The following PAQR9 variants were observed in gnomAD, a reference collection of about 807,000 sequenced individuals.
PAQR9 encodes the protein progestin and adipoQ receptor family member 9, also known as membrane progestin receptor epsilon.
In PAQR9, 12 loss-of-function variants were observed where a neutral mutation model predicts 24.0. That is an observed-to-expected ratio of 0.50 (90% CI 0.32 to 0.81). PAQR9 has a LOEUF of 0.81. Ranked by LOEUF, PAQR9 falls within the 30% of genes least tolerant of loss-of-function variation. PAQR9 has a pLI of 0.03. For missense variants in PAQR9, 418 were observed against 520.8 expected (o/e 0.80, Z 1.92); for synonymous variants, 266 against 237.6 (o/e 1.12, Z -1.10).
rs1934876834 is a variant in PAQR9 at position 142,960,773 on chromosome 3, CATGAATGTTTCAAGGATTT to C, written c.*1411_*1429del. Reference sequence around the variant, plus strand: ...TTAGAAAGGATCTCAGGGACATGCTCATGAATGTTTCAAGGATTTAGGGTGACTGCCCATCATTTCCATA... The same window carrying C: ...TTAGAAAGGATCTCAGGGACATGCTCAGGGTGACTGCCCATCATTTCCATA... On this transcript the variant is annotated 3_prime_UTR_variant, in exon 1 of 1. Transcript: ENST00000340634. 1 of 152,148 alleles carries C rather than the reference CATGAATGTTTCAAGGATTT, an allele frequency of 6.6e-6. No homozygotes were observed. The highest frequency in any genetic ancestry group is 2.4e-5 in the African/African-American group (1 of 41,430). The allele number at this position is 152,148 out of a possible 1,614,324, so 9.4% of individuals were successfully genotyped here. A position where few individuals can be genotyped will look rare whatever the true frequency, so the allele number is the denominator to read the frequency against.
Position 142,963,394 on chromosome 3 carries a change from G to A in PAQR9, c.-58C>T, listed in dbSNP as rs1240168250. On this transcript the variant is annotated 5_prime_UTR_variant, in exon 1 of 1. Coordinates refer to ENST00000340634, the MANE Select transcript of PAQR9 (RefSeq NM_198504.4). ...CGACCTCTGGCGCCGGCTCCCGGGC[G>A]CTGGGCAGCCCCCGCCGGCCGCCGT... 5.4e-6 allele frequency: 6 copies of A among 1,114,430 alleles called. No individual in the cohort carries two copies. The Admixed American group carries it at 3.0e-4, about 56-fold the overall frequency. 69.0% of individuals were successfully genotyped at this position (1,114,430 alleles called of 1,614,324 possible).
chr3:142,954,010 G>A (rs1168975035), downstream of PAQR9, among the ~76,000 whole-genome samples: 1 of 152,168 alleles, frequency 6.6e-6, no homozygotes, highest in Non-Finnish European at 1.5e-5. Context: ...CCTGAGGCCT[G>A]GGTGGTCAGC....
In PAQR9 at chr3:142,961,957, AT is replaced by A. The variant is rs962341210; in HGVS notation, c.*245del. On this transcript the variant is annotated 3_prime_UTR_variant, in exon 1 of 1. Coordinates refer to ENST00000340634, the MANE Select transcript of PAQR9 (RefSeq NM_198504.4). ...CCTGGATGTCAAAGACATCACCTGA[AT>A]TTTTTCCAGGGGCAAGAACAAGTGA... The A allele has an allele frequency of 2.8e-5, 14 of 493,712 alleles. No homozygotes were observed. The highest frequency in any genetic ancestry group is 2.2e-4 in the African/African-American group (11 of 51,092). 30.6% of individuals were successfully genotyped at this position (493,712 alleles called of 1,614,324 possible). A position where few individuals can be genotyped will look rare whatever the true frequency, so the allele number is the denominator to read the frequency against.
In PAQR9 at chr3:142,954,715, C is replaced by T. The variant is rs1578078478; in HGVS notation, c.*7488G>A. On this transcript the variant is annotated 3_prime_UTR_variant, in exon 1 of 1. Transcript: ENST00000340634. Reference sequence around the variant, plus strand: ...ATGTCTCAGGAAACCAAAATCATAGCAAATCATACAACAGAAATGTGTCAC... The same window carrying T: ...ATGTCTCAGGAAACCAAAATCATAGTAAATCATACAACAGAAATGTGTCAC... 1.3e-5 allele frequency among the ~76,000 whole-genome samples: 2 copies of T among 152,236 alleles called. No homozygotes were observed. The highest frequency in any genetic ancestry group is 1.3e-4 in the Admixed American group (2 of 15,302).
chr3:142,952,489 T>C (rs1314579212), downstream of PAQR9, among the ~76,000 whole-genome samples: 1 of 152,164 alleles, frequency 6.6e-6, no homozygotes, highest in Non-Finnish European at 1.5e-5. Flanking sequence ...GCTGAGAAGT[T>C]AGCAAATTTT....
At position 142,958,389 on chromosome 3, in the gene PAQR9, G is replaced by A. The variant is rs192980163; in HGVS notation, c.*3814C>T. Among the ~76,000 whole-genome samples, 22 of 152,280 alleles carry A rather than the reference G, an allele frequency of 1.4e-4. No individual in the cohort carries two copies. The highest frequency in any genetic ancestry group is 2.6e-4 in the African/African-American group (11 of 41,546). On this transcript the variant is annotated 3_prime_UTR_variant, in exon 1 of 1. Coordinates refer to ENST00000340634, the MANE Select transcript of PAQR9 (RefSeq NM_198504.4). ...CACAGTTGAGCAGACAATGGTCTCCGCATTCTAATGCCAGTTTGAAAACTT... is the reference window on the plus strand; with the variant it reads ...CACAGTTGAGCAGACAATGGTCTCCACATTCTAATGCCAGTTTGAAAACTT...
upstream of PAQR9, chr3:142,963,988 G>A (rs1018318190): frequency 4.0e-5 from 26 of 647,102 alleles, no homozygotes; most frequent in Admixed American, 6.3e-5. Context: ...CGACAGCCAC[G>A]CGGGCGTTCT....
chr3:142,963,820 G>A (rs1266250539), upstream of PAQR9: 9 of 985,144 alleles, frequency 9.1e-6, no homozygotes, highest in African/African-American at 1.7e-5. Context: ...CGCTTCGGGG[G>A]ATAGAGTTGT....
chr3:142,963,762 G>C, upstream of PAQR9: 2 of 945,616 alleles, frequency 2.1e-6, no homozygotes, highest in African/African-American at 1.8e-5. Flanking sequence ...AGGGAGGGAC[G>C]GGCGCACCGA....
Position 142,962,596 on chromosome 3 carries a change from G to T in PAQR9, c.741C>A (p.Phe247Leu). The change falls in exon 1 of 1, where the codon TTC becomes TTA. Residue 247 changes from phenylalanine to leucine, a missense_variant. Physicochemically the swap from Phe to Leu is conservative, Grantham distance 22. Coordinates refer to ENST00000340634, the MANE Select transcript of PAQR9 (RefSeq NM_198504.4). ...TYPFALRTFV[F>L]VMPLSMACPI... ...GGCAGGCCATGCTGAGCGGCATGACGAAGACGAAGGTGCGCAGCGCGAACG... is the reference window on the plus strand; with the variant it reads ...GGCAGGCCATGCTGAGCGGCATGACTAAGACGAAGGTGCGCAGCGCGAACG... 1 of 1,613,886 alleles carries T rather than the reference G, an allele frequency of 6.2e-7. No individual in the cohort carries two copies. The highest frequency in any genetic ancestry group is 8.5e-7 in the Non-Finnish European group (1 of 1,179,966).
Position 142,963,621 on chromosome 3 carries a change from T to TGCG in PAQR9, c.-288_-286dup. 1 of 733,376 alleles carries TGCG rather than the reference T, an allele frequency of 1.4e-6. No homozygotes were observed. Among genetic ancestry groups the TGCG allele is most frequent in the Non-Finnish European group, 1.7e-6 (1 of 602,084 alleles). The allele number at this position is 733,376 out of a possible 1,614,324, so 45.4% of individuals were successfully genotyped here. On this transcript the variant is annotated 5_prime_UTR_variant, in exon 1 of 1. Coordinates refer to ENST00000340634, the MANE Select transcript of PAQR9 (RefSeq NM_198504.4). ...GCTACCGGCGCGCGGCCGCCCGCGC[T>TGCG]GCGGCAGCGGCGGCGGCGCGGCTGA...
Position 142,960,740 on chromosome 3 carries a change from T to C in PAQR9, c.*1463A>G, listed in dbSNP as rs1934876210. The C allele has an allele frequency of 1.3e-5, 2 of 152,228 alleles. No individual in the cohort carries two copies. The highest frequency in any genetic ancestry group is 1.3e-4 in the Admixed American group (2 of 15,278). 9.4% of individuals were successfully genotyped at this position (152,228 alleles called of 1,614,324 possible). A position where few individuals can be genotyped will look rare whatever the true frequency, so the allele number is the denominator to read the frequency against. On this transcript the variant is annotated 3_prime_UTR_variant, in exon 1 of 1. Coordinates refer to ENST00000340634, the MANE Select transcript of PAQR9 (RefSeq NM_198504.4). ...GAAATGTCTAAATAACATTGGCTAA[T>C]CTGTTTGTTAGAAAGGATCTCAGGG...
In PAQR9 at chr3:142,955,855, A is replaced by G. The variant is rs1578079029; in HGVS notation, c.*6348T>C. ...TAGCCATGAGACACACCTAAAACCT[A>G]TCTCATGTGTTTTCTTCTTTTTTAA... is the stretch of plus-strand genomic sequence containing the variant. On this transcript the variant is annotated 3_prime_UTR_variant, in exon 1 of 1. Coordinates refer to ENST00000340634, the MANE Select transcript of PAQR9 (RefSeq NM_198504.4). 6.6e-6 allele frequency among the ~76,000 whole-genome samples: 1 copy of G among 152,204 alleles called. No homozygotes were observed. The highest frequency in any genetic ancestry group is 2.4e-5 in the African/African-American group (1 of 41,444).
At chr3:142,963,818 G>A (rs1934971510), upstream of PAQR9, 1 of 985,198 alleles carries the variant, frequency 1.0e-6, no homozygotes, top group Non-Finnish European at 1.2e-6. Flanking sequence ...GCCGCTTCGG[G>A]GGATAGAGTT....
chr3:142,954,204 A>C (rs1934758814), downstream of PAQR9, among the ~76,000 whole-genome samples: 1 of 152,274 alleles, frequency 6.6e-6, no homozygotes, highest in Admixed American at 6.5e-5. Flanking sequence ...GAGATACTGT[A>C]AGTTCACACA....
rs1934796608 is a variant in PAQR9, at chr3:142,956,837, T to C, written c.*5366A>G. Reference sequence around the variant, plus strand: ...AACAACAGAAATTTATATTAGCTTTTGGAAGAGTGACTAAGAAGAACTGAC... The same window carrying C: ...AACAACAGAAATTTATATTAGCTTTCGGAAGAGTGACTAAGAAGAACTGAC... On this transcript the variant is annotated 3_prime_UTR_variant, in exon 1 of 1. Transcript: ENST00000340634. Among the ~76,000 whole-genome samples the C allele has an allele frequency of 1.3e-5, 2 of 152,220 alleles. No individual in the cohort carries two copies. The highest frequency in any genetic ancestry group is 4.1e-4 in the South Asian group (2 of 4,836).
chr3:142,950,902 A>T (rs1253273862), downstream of PAQR9, among the ~76,000 whole-genome samples: 1 of 152,218 alleles, frequency 6.6e-6, no homozygotes. Flanking sequence ...ATGGAGGACC[A>T]CAGTTAATAT....
chr3:142,956,339 C>T lies in PAQR9; in HGVS notation c.*5864G>A, dbSNP rs1247596305. On this transcript the variant is annotated 3_prime_UTR_variant, in exon 1 of 1. Transcript: ENST00000340634. ...CCCATTCTGCCTTGAGTGCTTATTG[C>T]GTATTTTGGGTGGAGGTATAAGGCA... Among the ~76,000 whole-genome samples the T allele has an allele frequency of 2.6e-5, 4 of 152,044 alleles. No homozygotes were observed. The highest frequency in any genetic ancestry group is 9.7e-5 in the African/African-American group (4 of 41,392).
rs1934909918 is a variant in PAQR9, at chr3:142,962,289, C to G, written c.1048G>C (p.Val350Leu). ...ACCACCAGCAGCAGCATGTAGCCCA[C>G]AGTACCCGAGAAAGTGGGTGCGGCA... ...PPAAPTFSGT[V>L]GYMLLLVVCL... The change falls in exon 1 of 1, where the codon GTG becomes CTG. Residue 350 changes from valine to leucine, a missense_variant. Val to Leu is a conservative substitution (Grantham distance 32). This residue lies in a region of PAQR9 where 230 missense variants were observed against 305.2 expected (regional missense o/e 0.75). Transcript: ENST00000340634. 6.2e-7 allele frequency: 1 copy of G among 1,614,090 alleles called. No individual in the cohort carries two copies. Among genetic ancestry groups the G allele is most frequent in the Non-Finnish European group, 8.5e-7 (1 of 1,180,058 alleles).
Sources: gnomAD v4.1 joint callset for allele counts (sites outside exome capture counted in the v4.1 genomes callset) on GRCh38, gnomAD v4.1.1 for gene constraint, gnomAD v4.1.1 regional missense constraint, MANE v1.5 for transcripts, NCBI Gene and HGNC (gene_info 2026-07-23, HGNC 2026-07-21) for gene names.